The following RGS6 variants were observed in gnomAD, a reference collection of about 807,000 sequenced individuals.
RGS6 encodes regulator of G-protein signaling 6.
Under a neutral mutation model 78.5 loss-of-function variants are expected in RGS6, and 30 were observed. The ratio of observed to expected loss-of-function variants is 0.38; its 90% CI spans 0.29 to 0.52. The LOEUF (loss-of-function observed/expected upper bound fraction) is 0.52. Ranked by LOEUF, RGS6 falls within the 20% of genes least tolerant of loss-of-function variation. RGS6 has a pLI of 0.85. For missense variants in RGS6, 495 were observed against 609.7 expected (o/e 0.81, Z 1.98); for synonymous variants, 206 against 206.0 (o/e 1.00, Z 0.00).
intron 2 of RGS6, among the ~76,000 whole-genome samples, chr14:72,097,773 C>T (rs910397573): frequency 1.3e-5 from 2 of 152,114 alleles, no homozygotes; most frequent in South Asian, 2.1e-4. Flanking sequence ...GACAGGGTGG[C>T]GTCTTGTCCC....
chr14:72,392,951 C>T (rs186388187), intron 3 of RGS6, among the ~76,000 whole-genome samples: 127 of 152,288 alleles, frequency 8.3e-4, no homozygotes, highest in African/African-American at 2.6e-3. Context: ...TTGGCAGCAG[C>T]GCAAACCTTC....
chr14:72,066,726 A>G (rs77663632), intron 2 of RGS6, among the ~76,000 whole-genome samples: 5,285 of 151,930 alleles, frequency 0.035, 142 homozygotes, highest in African/African-American at 0.074. Flanking sequence ...AAAAAAATAC[A>G]GTTTCCGATA....
chr14:72,181,704 A>G (rs1011428984), intron 2 of RGS6, among the ~76,000 whole-genome samples: 4 of 152,202 alleles, frequency 2.6e-5, no homozygotes, highest in Non-Finnish European at 4.4e-5. Context: ...TGGTAAAATA[A>G]TCAGGTTCTC....
chr14:72,624,280 TTAAC>T, the RGS6 span, among the ~76,000 whole-genome samples: 1 of 151,502 alleles, frequency 6.6e-6, no homozygotes. Flanking sequence ...TGTAATACTG[TTAAC>T]TAATCTACAG....
intron 13 of RGS6, among the ~76,000 whole-genome samples, chr14:72,508,045 A>G (rs114824655): frequency 0.013 from 2,052 of 152,280 alleles, 46 homozygotes; most frequent in African/African-American, 0.046. Flanking sequence ...ATTTGTCTTC[A>G]TGTCTTGTTG....
At chr14:72,254,007 G>C (rs554115501) in intron 2 of RGS6, among the ~76,000 whole-genome samples, 1 of 152,254 alleles carries the variant, frequency 6.6e-6, no homozygotes, top group Admixed American at 6.5e-5. Flanking sequence ...TTGCGTTGTA[G>C]ACCACGATGA....
chr14:72,108,177 C>T (rs1167229978), intron 2 of RGS6, among the ~76,000 whole-genome samples: 1 of 152,080 alleles, frequency 6.6e-6, no homozygotes, highest in Non-Finnish European at 1.5e-5. Context: ...GTTTTCTCTA[C>T]TTAATGTTCA....
the RGS6 span, among the ~76,000 whole-genome samples, chr14:72,603,786 T>C: frequency 6.6e-6 from 1 of 152,106 alleles, no homozygotes; most frequent in African/African-American, 2.4e-5. Flanking sequence ...CTTGGGTGGT[T>C]GGGGTGGCAT....
At chr14:71,887,932 A>G in the RGS6 span, among the ~76,000 whole-genome samples, 3 of 151,776 alleles carry the variant, frequency 2.0e-5, no homozygotes, top group Non-Finnish European at 4.4e-5. Flanking sequence ...CTGTTCTTAC[A>G]CCCCTTCCCC....
intron 2 of RGS6, among the ~76,000 whole-genome samples, chr14:72,202,667 A>G (rs113195523): frequency 3.9e-5 from 6 of 152,040 alleles, no homozygotes; most frequent in African/African-American, 1.2e-4. Flanking sequence ...TTTGCCTTCA[A>G]CTTTGCTGCA....
chr14:72,304,626 C>T (rs2066829002), intron 2 of RGS6, among the ~76,000 whole-genome samples: 1 of 152,130 alleles, frequency 6.6e-6, no homozygotes. Flanking sequence ...CCTGTAATTC[C>T]AGCACTTTGG....
At chr14:72,379,042 AAATAT>A (rs1343419830) in intron 3 of RGS6, among the ~76,000 whole-genome samples, 1 of 152,202 alleles carries the variant, frequency 6.6e-6, no homozygotes, top group Non-Finnish European at 1.5e-5. Context: ...GCAAATCAAT[AAATAT>A]AATACATCAC....
chr14:71,893,824 C>T, the RGS6 span, among the ~76,000 whole-genome samples: 2 of 152,238 alleles, frequency 1.3e-5, no homozygotes, highest in East Asian at 3.9e-4. Flanking sequence ...GACACAAAGA[C>T]AATTTGTGCG....
At chr14:72,048,206 T>C (rs1183707668) in intron 2 of RGS6, among the ~76,000 whole-genome samples, 2 of 152,188 alleles carry the variant, frequency 1.3e-5, no homozygotes, top group Non-Finnish European at 2.9e-5. Flanking sequence ...CATCTTTAAA[T>C]GTTTTCACTT....
intron 7 of RGS6, 172 bp from the exon 8 acceptor site, chr14:72,469,835 A>G: frequency 1.6e-6 from 1 of 607,678 alleles, no homozygotes; most frequent in Non-Finnish European, 2.9e-6. Flanking sequence ...TCAGCTCTGT[A>G]CGGAGGGTCT....
intron 2 of RGS6, among the ~76,000 whole-genome samples, chr14:72,129,112 AT>A (rs750000869): frequency 1.3e-5 from 2 of 152,330 alleles, no homozygotes; most frequent in South Asian, 4.1e-4. Flanking sequence ...AGAAATTAAA[AT>A]TTAGAGACCA....
intron 3 of RGS6, among the ~76,000 whole-genome samples, chr14:72,416,626 G>T (rs532379533): frequency 1.3e-4 from 20 of 152,336 alleles, no homozygotes; most frequent in African/African-American, 4.8e-4. Context: ...GGAAGTAGCA[G>T]TAGACACCTG....
intron 2 of RGS6, among the ~76,000 whole-genome samples, chr14:71,992,498 G>A (rs1312738297): frequency 6.6e-6 from 1 of 152,204 alleles, no homozygotes; most frequent in African/African-American, 2.4e-5. Flanking sequence ...ACAGCCCTGT[G>A]TAGTGTAGGT....
At chr14:72,383,366 G>T (rs2086844194) in intron 3 of RGS6, among the ~76,000 whole-genome samples, 1 of 151,606 alleles carries the variant, frequency 6.6e-6, no homozygotes, top group African/African-American at 2.4e-5. Flanking sequence ...TTTGGATTGT[G>T]CCGACTCATA....
Sources: gnomAD v4.1 joint callset for allele counts (sites outside exome capture counted in the v4.1 genomes callset) on GRCh38, gnomAD v4.1.1 for gene constraint, MANE v1.5 for transcripts, NCBI Gene and HGNC (gene_info 2026-07-23, HGNC 2026-07-21) for gene names.